Variants in VPS13B observed in about 807,000 individuals in gnomAD.
The protein encoded by VPS13B is intermembrane lipid transfer protein VPS13B.
In VPS13B, 285 loss-of-function variants were observed where a neutral mutation model predicts 426.4. The observed-to-expected ratio is 0.67, with a 90% CI of 0.61 to 0.74. The LOEUF (loss-of-function observed/expected upper bound fraction) is 0.74, where lower values mean the gene tolerates loss of function less well. Ranked by LOEUF, VPS13B falls within the 30% of genes least tolerant of loss-of-function variation. The pLI, the probability that VPS13B is intolerant of heterozygous loss-of-function variation, is 0.00. For missense variants in VPS13B, 4,537 were observed against 4,782.6 expected, an observed-to-expected ratio of 0.95 and a Z score of 1.51; for synonymous variants, 1,676 against 1,676.4, an observed-to-expected ratio of 1.00 and a Z score of 0.01.
intron 33 of VPS13B, among the ~76,000 whole-genome samples, chr8:99,602,403 T>G (rs1827349201): frequency 6.6e-6 from 1 of 152,206 alleles, no homozygotes; most frequent in African/African-American, 2.4e-5. Flanking sequence ...TACTGTAGCC[T>G]TGTAGTACAG....
chr8:99,579,338 A>G lies in VPS13B; in HGVS notation c.5220+1705A>G, dbSNP rs571506572. On this transcript the variant is annotated intron_variant, in intron 33 of 61. Coordinates refer to ENST00000357162, the MANE Select transcript of VPS13B (RefSeq NM_152564.5). ...GAATACTCCATAATAAGTCAAAGGT[A>G]TATTTTGAAAGGGCTAGTTGATTGC... 2.0e-5 allele frequency among the ~76,000 whole-genome samples: 3 copies of G among 152,322 alleles called. No homozygotes were observed. The South Asian group carries it at 6.2e-4, about 32-fold the overall frequency.
intron 39 of VPS13B, among the ~76,000 whole-genome samples, chr8:99,752,538 A>G (rs549784131): frequency 6.6e-6 from 1 of 152,348 alleles, no homozygotes; most frequent in East Asian, 1.9e-4. Flanking sequence ...ACAAAGCCTA[A>G]AGCATTTGTT....
At position 99,481,646 on chromosome 8, in the gene VPS13B, C is replaced by T. The variant is rs749086106; in HGVS notation, c.3714C>T (p.Asn1238=). 1.3e-5 allele frequency: 21 copies of T among 1,613,966 alleles called. No individual in the cohort carries two copies. Among genetic ancestry groups the T allele is most frequent in the Non-Finnish European group, 1.7e-5 (20 of 1,179,880 alleles). Reference sequence around the variant, plus strand: ...CTGATATCATGAATAAGGTCTGGAACAAGATTCAGAAGAGAGGCAATCTCA... The same window carrying T: ...CTGATATCATGAATAAGGTCTGGAATAAGATTCAGAAGAGAGGCAATCTCA... ...ELTDIMNKVW[N]KIQKRGNLNL... The change falls in exon 25 of 62, where the codon AAC becomes AAT. Residue 1238 remains asparagine (N), a synonymous_variant. Coordinates refer to ENST00000357162, the MANE Select transcript of VPS13B (RefSeq NM_152564.5).
At position 99,875,417 on chromosome 8, in the gene VPS13B, G is replaced by A. The variant is rs372327659; in HGVS notation, c.11746-1G>A. On this transcript the variant is annotated splice_acceptor_variant, in intron 61 of 61. Transcript: ENST00000357162. LOFTEE classifies it high-confidence loss of function. ...TAATCTTTATTATTTTTGGATCCTAGGTAGATGGAGTCCGAGAGAGACTGT... is the reference window on the plus strand; with the variant it reads ...TAATCTTTATTATTTTTGGATCCTAAGTAGATGGAGTCCGAGAGAGACTGT... 5.0e-6 allele frequency: 8 copies of A among 1,614,002 alleles called. No homozygotes were observed. The highest frequency in any genetic ancestry group is 5.9e-6 in the Non-Finnish European group (7 of 1,180,020).
chr8:99,534,977 A>C (rs928263280), intron 30 of VPS13B, among the ~76,000 whole-genome samples: 36 of 152,188 alleles, frequency 2.4e-4, no homozygotes, highest in Non-Finnish European at 2.9e-5. Context: ...TAAATGTGAG[A>C]AGCAGTGTTG....
At chr8:99,161,302 C>T (rs952435610) in intron 15 of VPS13B, among the ~76,000 whole-genome samples, 1 of 151,904 alleles carries the variant, frequency 6.6e-6, no homozygotes, top group East Asian at 1.9e-4. Context: ...TTTTATTTAA[C>T]CCAATATATG....
intron 19 of VPS13B, among the ~76,000 whole-genome samples, chr8:99,383,755 T>C (rs1305264443): frequency 1.3e-5 from 2 of 152,208 alleles, no homozygotes; most frequent in Non-Finnish European, 2.9e-5. Context: ...CTTAATATAA[T>C]GTTTTCGAGA....
At chr8:99,277,532 G>A (rs149965110) in intron 19 of VPS13B, among the ~76,000 whole-genome samples, 1,786 of 152,254 alleles carry the variant, frequency 0.012, 20 homozygotes, top group Admixed American at 0.054. Context: ...CAAGTCATAA[G>A]TAAATCTTAA....
At chr8:99,815,645 C>T (rs1474206750) in intron 44 of VPS13B, among the ~76,000 whole-genome samples, 1 of 147,018 alleles carries the variant, frequency 6.8e-6, no homozygotes, top group Non-Finnish European at 1.5e-5. Flanking sequence ...TAGACTTGTA[C>T]ATATACTGTG....
chr8:99,825,869 C>A lies in VPS13B; in HGVS notation c.9330+1891C>A, dbSNP rs182558772. Reference sequence around the variant, plus strand: ...TGTTTTTGTCAGGTTTGTCAAAGATCAGATGGTTGTAGATGTGTGGTGTTA... The same window carrying A: ...TGTTTTTGTCAGGTTTGTCAAAGATAAGATGGTTGTAGATGTGTGGTGTTA... On this transcript the variant is annotated intron_variant, in intron 51 of 61. Transcript: ENST00000357162. 3.5e-3 allele frequency among the ~76,000 whole-genome samples: 531 copies of A among 152,240 alleles called. 2 individuals are homozygous for A. Among genetic ancestry groups the A allele is most frequent in the African/African-American group, 0.012 (480 of 41,526 alleles).
At chr8:99,873,769 T>C (rs1282839347) in intron 61 of VPS13B, among the ~76,000 whole-genome samples, 1 of 151,978 alleles carries the variant, frequency 6.6e-6, no homozygotes, top group Non-Finnish European at 1.5e-5. Context: ...TCAACATGAG[T>C]GGGCAGGGGA....
intron 34 of VPS13B, among the ~76,000 whole-genome samples, chr8:99,646,655 G>A (rs559963883): frequency 3.5e-4 from 54 of 152,276 alleles, no homozygotes; most frequent in Non-Finnish European, 6.5e-4. Context: ...ATCTTGAAAT[G>A]TGACTCTCAG....
At chr8:99,236,164 A>G (rs949476287) in intron 17 of VPS13B, among the ~76,000 whole-genome samples, 3 of 152,156 alleles carry the variant, frequency 2.0e-5, no homozygotes, top group African/African-American at 7.2e-5. Flanking sequence ...ATTGTGTTGT[A>G]GAGGCATTAT....
intron 2 of VPS13B, among the ~76,000 whole-genome samples, chr8:99,036,188 T>C (rs577658585): frequency 2.0e-5 from 3 of 152,134 alleles, no homozygotes; most frequent in Non-Finnish European, 4.4e-5. Flanking sequence ...TTGCCTGTTA[T>C]GTTCATTTTA....
chr8:99,380,780 A>T (rs561580478), intron 19 of VPS13B, among the ~76,000 whole-genome samples: 1 of 151,758 alleles, frequency 6.6e-6, no homozygotes, highest in Non-Finnish European at 1.5e-5. Context: ...ATTATAGAAC[A>T]AATGTACTAT....
chr8:99,727,964 A>C (rs746668176), intron 39 of VPS13B, among the ~76,000 whole-genome samples: 1 of 152,220 alleles, frequency 6.6e-6, no homozygotes, highest in Non-Finnish European at 1.5e-5. Flanking sequence ...CTAACATTCA[A>C]ATCATGTAAC....
chr8:99,616,201 A>G (rs1001387737), intron 33 of VPS13B, among the ~76,000 whole-genome samples: 3 of 152,308 alleles, frequency 2.0e-5, no homozygotes, highest in East Asian at 3.9e-4. Flanking sequence ...AGAAGAGCCT[A>G]TATCTTGAGA....
Position 99,474,183 on chromosome 8 carries a change from A to ATTTTTTTTTTTTTTTTTTTTTTT in VPS13B, c.3666+6569_3666+6570insTTTTTTTTTTTTTTTTTTTTTTT, listed in dbSNP as rs34752686. 1.8e-4 allele frequency among the ~76,000 whole-genome samples: 23 copies of ATTTTTTTTTTTTTTTTTTTTTTT among 124,962 alleles called. 2 individuals are homozygous for ATTTTTTTTTTTTTTTTTTTTTTT. Among genetic ancestry groups the ATTTTTTTTTTTTTTTTTTTTTTT allele is most frequent in the Middle Eastern group, 4.2e-3 (1 of 240 alleles). 82.0% of individuals were successfully genotyped at this position (124,962 alleles called of 152,430 possible). A position where few individuals can be genotyped will look rare whatever the true frequency, so the allele number is the denominator to read the frequency against. ...TCTTCAAACAATGGACTGTTATCCAATTTTTTTTTTTTTTTTTTTTGTGGA... is the reference window on the plus strand; with the variant it reads ...TCTTCAAACAATGGACTGTTATCCAATTTTTTTTTTTTTTTTTTTTTTTTTTTTTTTTTTTTTTTTTTTGTGGA... On this transcript the variant is annotated intron_variant, in intron 24 of 61. Coordinates refer to ENST00000357162, the MANE Select transcript of VPS13B (RefSeq NM_152564.5).
intron 35 of VPS13B, among the ~76,000 whole-genome samples, chr8:99,690,150 A>G (rs1454272892): frequency 6.6e-6 from 1 of 152,154 alleles, no homozygotes; most frequent in African/African-American, 2.4e-5. Context: ...TATCTAAAAT[A>G]TTTTTCCCAC....
Sources: gnomAD v4.1 joint callset for allele counts (sites outside exome capture counted in the v4.1 genomes callset) on GRCh38, gnomAD v4.1.1 for gene constraint, MANE v1.5 for transcripts, NCBI Gene and HGNC (gene_info 2026-07-23, HGNC 2026-07-21) for gene names.